SPAG17: variants seen among roughly 807,000 people sequenced by gnomAD.
SPAG17 encodes the protein sperm-associated antigen 17.
Under a neutral mutation model 273.6 loss-of-function variants are expected in SPAG17, and 169 were observed. The observed-to-expected ratio is 0.62, with a 90% confidence interval of 0.55 to 0.70. SPAG17 has a LOEUF of 0.70. Among genes scored for constraint, SPAG17 ranks in the 30% least tolerant of loss-of-function variants. The probability of loss-of-function intolerance (pLI) is 0.00; values close to 1 mark genes in which losing one functional copy is unlikely to be tolerated. For missense variants in SPAG17, 2,557 were observed against 2,627.8 expected (o/e 0.97, Z 0.59); for synonymous variants, 825 against 873.2 (o/e 0.94, Z 0.97).
intron 40 of SPAG17, among the ~76,000 whole-genome samples, chr1:117,986,436 C>T (rs77969789): frequency 0.018 from 2,774 of 152,282 alleles, 36 homozygotes; most frequent in Middle Eastern, 0.037. Flanking sequence ...GTTCATTTTC[C>T]ACATTGCCAA....
chr1:118,025,553 G>A, intron 26 of SPAG17, 137 bp from the exon 27 acceptor site: 1 of 712,026 alleles, frequency 1.4e-6, no homozygotes, highest in Non-Finnish European at 2.1e-6. Flanking sequence ...TGTCATCCAG[G>A]CTGGAGTGCA....
intron 4 of SPAG17, among the ~76,000 whole-genome samples, chr1:118,103,635 G>A (rs964030481): frequency 6.6e-6 from 1 of 152,102 alleles, no homozygotes; most frequent in Admixed American, 6.5e-5. Context: ...TATGGGGAAA[G>A]AAAGAGAAAA....
At chr1:117,978,127 A>T (rs1305413103) in intron 43 of SPAG17, among the ~76,000 whole-genome samples, 1 of 152,026 alleles carries the variant, frequency 6.6e-6, no homozygotes, top group Non-Finnish European at 1.5e-5. Flanking sequence ...CGATTATTTG[A>T]CCTCACTGAG....
At chr1:118,054,390 C>T (rs1011408748) in intron 19 of SPAG17, among the ~76,000 whole-genome samples, 9 of 151,978 alleles carry the variant, frequency 5.9e-5, no homozygotes, top group Admixed American at 2.6e-4. Context: ...ACCTAATAAT[C>T]CTAGTTTACC....
chr1:118,058,056 A>G (rs1204031485), intron 18 of SPAG17, among the ~76,000 whole-genome samples: 4 of 152,248 alleles, frequency 2.6e-5, no homozygotes, highest in Admixed American at 2.6e-4. Context: ...TTATAAAATT[A>G]AATGGTAAGA....
Position 118,055,732 on chromosome 1 carries a change from C to T in SPAG17, c.2722+1G>A. The T allele has an allele frequency of 6.2e-7, 1 of 1,607,340 alleles. No individual in the cohort carries two copies. Among genetic ancestry groups the T allele is most frequent in the Non-Finnish European group, 8.5e-7 (1 of 1,176,058 alleles). Reference sequence around the variant, plus strand: ...ACGTATAAGTTGAACTGGTTACTTACTTTTAGATTCTTTAATGGAAAAAAT... The same window carrying T: ...ACGTATAAGTTGAACTGGTTACTTATTTTTAGATTCTTTAATGGAAAAAAT... On this transcript the variant is annotated splice_donor_variant, in intron 19 of 48. Transcript: ENST00000336338. LOFTEE classifies it high-confidence loss of function.
At chr1:118,019,450 C>T (rs1192578492) in intron 28 of SPAG17, among the ~76,000 whole-genome samples, 27 of 151,470 alleles carry the variant, frequency 1.8e-4, no homozygotes, top group Non-Finnish European at 1.2e-4. Flanking sequence ...GCTCAGAGAA[C>T]CAAAGCATAG....
chr1:118,045,676 T>C (rs1317255317), intron 20 of SPAG17, among the ~76,000 whole-genome samples: 1 of 152,046 alleles, frequency 6.6e-6, no homozygotes, highest in Non-Finnish European at 1.5e-5. Flanking sequence ...TCCAAATGAG[T>C]AGTCAAGTCA....
rs1655469088 is a variant in SPAG17, at chr1:118,092,816, G to C, written c.1173+340C>G. Reference sequence around the variant, plus strand: ...AGTTAACCTCAATGAGGAGGACAGGGAATGAGTTTTCATTATTGTATTGCC... The same window carrying C: ...AGTTAACCTCAATGAGGAGGACAGGCAATGAGTTTTCATTATTGTATTGCC... On this transcript the variant is annotated intron_variant, in intron 8 of 48. Transcript: ENST00000336338. Among the ~76,000 whole-genome samples, 3 of 152,174 alleles carry C rather than the reference G, an allele frequency of 2.0e-5. No individual in the cohort carries two copies. In the South Asian group the frequency reaches 6.2e-4, roughly 31 times the overall value.
At position 118,072,478 on chromosome 1, in the gene SPAG17, A is replaced by G. The variant is rs562710356; in HGVS notation, c.2385+1376T>C. ...GCAGCAAGCTTAGGGAATATGGGAGAGATATCACTAATACAATAAAACTAA... is the reference window on the plus strand; with the variant it reads ...GCAGCAAGCTTAGGGAATATGGGAGGGATATCACTAATACAATAAAACTAA... On this transcript the variant is annotated intron_variant, in intron 17 of 48. Coordinates refer to ENST00000336338, the MANE Select transcript of SPAG17 (RefSeq NM_206996.4). 4.6e-5 allele frequency among the ~76,000 whole-genome samples: 7 copies of G among 152,326 alleles called. No individual in the cohort carries two copies. The East Asian group carries it at 1.4e-3, about 29-fold the overall frequency.
At chr1:117,980,745 A>G (rs557695646) in intron 43 of SPAG17, among the ~76,000 whole-genome samples, 1 of 152,358 alleles carries the variant, frequency 6.6e-6, no homozygotes, top group East Asian at 1.9e-4. Flanking sequence ...CGAAATTAGC[A>G]TAATGTGACT....
chr1:118,005,691 C>A, intron 31 of SPAG17, 89 bp from the exon 32 acceptor site: 1 of 921,102 alleles, frequency 1.1e-6, no homozygotes, highest in Non-Finnish European at 1.5e-6. Context: ...AAAGAATACC[C>A]ATAGATCCTA....
In SPAG17 at chr1:118,025,180, A is replaced by G. The variant is rs1049581216; in HGVS notation, c.3909+58T>C. The stretch of plus-strand genomic sequence containing the variant: ...CCTGTTATAGAACAGTTCCTTACCC[A>G]TAAGTTGTCTTTTACTTTGGAACAG... On this transcript the variant is annotated intron_variant, in intron 27 of 48. Transcript: ENST00000336338. 5.2e-6 allele frequency: 8 copies of G among 1,543,586 alleles called. No homozygotes were observed. In the East Asian group the frequency reaches 9.0e-5, roughly 17 times the overall value.
chr1:118,011,890 G>C (rs1320228596), intron 30 of SPAG17, among the ~76,000 whole-genome samples: 1 of 151,878 alleles, frequency 6.6e-6, no homozygotes, highest in African/African-American at 2.4e-5. Context: ...GTATCTGAGG[G>C]TAATGCATAC....
chr1:118,123,552 G>A (rs1462998819), intron 3 of SPAG17, among the ~76,000 whole-genome samples: 1 of 152,132 alleles, frequency 6.6e-6, no homozygotes, highest in Non-Finnish European at 1.5e-5. Flanking sequence ...CGTTATGAAA[G>A]TGCTCAGACC....
chr1:118,021,794 GA>G (rs1660523574), intron 28 of SPAG17, among the ~76,000 whole-genome samples: 1 of 152,148 alleles, frequency 6.6e-6, no homozygotes, highest in Non-Finnish European at 1.5e-5. Flanking sequence ...AAGTCCTCCA[GA>G]ACCAGGGTAG....
At chr1:118,062,967 A>C (rs915178703) in intron 18 of SPAG17, among the ~76,000 whole-genome samples, 2 of 152,238 alleles carry the variant, frequency 1.3e-5, no homozygotes, top group African/African-American at 4.8e-5. Flanking sequence ...AAGTGTTTAA[A>C]ATGAAAACTC....
chr1:118,019,342 A>C (rs190354251), intron 28 of SPAG17, among the ~76,000 whole-genome samples: 5 of 152,286 alleles, frequency 3.3e-5, no homozygotes, highest in Admixed American at 2.0e-4. Flanking sequence ...TAAAAAATGT[A>C]ATAACTGAAA....
At chr1:118,032,226 A>C (rs1648557539) in intron 24 of SPAG17, among the ~76,000 whole-genome samples, 1 of 152,194 alleles carries the variant, frequency 6.6e-6, no homozygotes, top group Admixed American at 6.5e-5. Flanking sequence ...GAGCAGCAGA[A>C]AATAATGAAA....
Sources: gnomAD v4.1 joint callset for allele counts (sites outside exome capture counted in the v4.1 genomes callset) on GRCh38, gnomAD v4.1.1 for gene constraint, MANE v1.5 for transcripts, NCBI Gene and HGNC (gene_info 2026-07-23, HGNC 2026-07-21) for gene names.